TNIP3: variants seen among roughly 807,000 people sequenced by gnomAD.
TNIP3 encodes TNFAIP3 interacting protein 3, also known as TNFAIP3-interacting protein 3.
Under a neutral mutation model 54.1 loss-of-function variants are expected in TNIP3, and 34 were observed. The ratio of observed to expected loss-of-function variants is 0.63; its 90% CI spans 0.48 to 0.84. TNIP3 has a LOEUF of 0.84. TNIP3 is among the 40% of genes least tolerant of loss of function. The pLI is 0.00. For missense variants in TNIP3, 366 were observed against 387.6 expected, an observed-to-expected ratio of 0.94 and a Z score of 0.47; for synonymous variants, 134 against 136.8, an observed-to-expected ratio of 0.98 and a Z score of 0.14.
At chr4:121,173,722 G>A (rs182738490) in intron 3 of TNIP3, among the ~76,000 whole-genome samples, 106 of 152,214 alleles carry the variant, frequency 7.0e-4, no homozygotes, top group African/African-American at 1.1e-3. Flanking sequence ...TCTGCCTCCC[G>A]AGTTCAAGCA....
chr4:121,135,664 G>A (rs1172494528), intron 10 of TNIP3, among the ~76,000 whole-genome samples: 4 of 152,170 alleles, frequency 2.6e-5, no homozygotes, highest in African/African-American at 4.8e-5. Flanking sequence ...CTCACAAAGC[G>A]CTGGGATTAT....
intron 3 of TNIP3, among the ~76,000 whole-genome samples, chr4:121,170,519 T>C (rs1731008329): frequency 6.6e-6 from 1 of 152,202 alleles, no homozygotes; most frequent in African/African-American, 2.4e-5. Context: ...TAGGCAAATA[T>C]TTTACTTCAT....
chr4:121,216,324 T>A, intron 2 of TNIP3: 1 of 1,134,880 alleles, frequency 8.8e-7, no homozygotes, highest in Non-Finnish European at 1.3e-6. Flanking sequence ...TCTCTTCTAC[T>A]CTTAATACAC....
chr4:121,216,266 C>A (rs1381539629), intron 2 of TNIP3: 4 of 604,234 alleles, frequency 6.6e-6, no homozygotes, highest in Non-Finnish European at 8.1e-6. Flanking sequence ...CATACTGTTA[C>A]CCGTCATCTT....
chr4:121,205,830 A>G (rs1165094205), intron 2 of TNIP3, among the ~76,000 whole-genome samples: 1 of 152,150 alleles, frequency 6.6e-6, no homozygotes, highest in Non-Finnish European at 1.5e-5. Flanking sequence ...ATGAAGAAAT[A>G]CCTGAGACTG....
chr4:121,196,712 T>C (rs1442287250), intron 2 of TNIP3, among the ~76,000 whole-genome samples: 1 of 151,874 alleles, frequency 6.6e-6, no homozygotes, highest in Non-Finnish European at 1.5e-5. Context: ...AATAAATAAA[T>C]AGAAAAAGCA....
chr4:121,154,869 G>A (rs1729989153), intron 4 of TNIP3, among the ~76,000 whole-genome samples, 190 bp from the exon 5 acceptor site: 1 of 151,336 alleles, frequency 6.6e-6, no homozygotes, highest in African/African-American at 2.4e-5. Context: ...ATGCACACTA[G>A]AATTAGGATT....
intron 2 of TNIP3, among the ~76,000 whole-genome samples, chr4:121,203,770 G>T (rs115267091): frequency 0.026 from 3,886 of 151,458 alleles, 165 homozygotes; most frequent in African/African-American, 0.088. Context: ...AAACATTAGA[G>T]AACACAAAAA....
chr4:121,197,126 G>T (rs550928879), intron 2 of TNIP3, among the ~76,000 whole-genome samples: 2 of 152,130 alleles, frequency 1.3e-5, no homozygotes, highest in African/African-American at 4.8e-5. Flanking sequence ...CAATATAAAA[G>T]TTGTACTCAT....
chr4:121,185,770 C>G (rs1579459604), intron 2 of TNIP3, among the ~76,000 whole-genome samples: 1 of 152,238 alleles, frequency 6.6e-6, no homozygotes, highest in East Asian at 1.9e-4. Context: ...AGAATGGACA[C>G]TCAAGCTCAG....
At chr4:121,213,350 T>G (rs933439388) in intron 2 of TNIP3, among the ~76,000 whole-genome samples, 1 of 152,166 alleles carries the variant, frequency 6.6e-6, no homozygotes, top group African/African-American at 2.4e-5. Flanking sequence ...GAGCTCTACT[T>G]CAGATTAAAA....
chr4:121,216,290 C>A, intron 2 of TNIP3: 1 of 758,554 alleles, frequency 1.3e-6, no homozygotes, highest in Non-Finnish European at 2.0e-6. Flanking sequence ...CTTTTCTATT[C>A]TATATAGCTC....
At chr4:121,181,165 G>A (rs919033862) in intron 3 of TNIP3, among the ~76,000 whole-genome samples, 39 of 152,158 alleles carry the variant, frequency 2.6e-4, no homozygotes, top group African/African-American at 9.2e-4. Flanking sequence ...CCAAGAAGTC[G>A]AATGAACAGA....
intron 3 of TNIP3, among the ~76,000 whole-genome samples, chr4:121,180,227 C>T (rs1425965759): frequency 6.6e-6 from 1 of 151,970 alleles, no homozygotes; most frequent in Admixed American, 6.6e-5. Context: ...GGTGAAACCC[C>T]GTCTCTACTA....
At chr4:121,187,576 G>T (rs1363409282) in intron 2 of TNIP3, among the ~76,000 whole-genome samples, 1 of 152,152 alleles carries the variant, frequency 6.6e-6, no homozygotes, top group Non-Finnish European at 1.5e-5. Flanking sequence ...TATTTCCAAA[G>T]AATTTGTTTT....
At chr4:121,223,573 A>G (rs957053848) in intron 1 of TNIP3, among the ~76,000 whole-genome samples, 2 of 151,332 alleles carry the variant, frequency 1.3e-5, no homozygotes, top group Non-Finnish European at 2.9e-5. Flanking sequence ...AAATTCCACC[A>G]CATTTATTTA....
chr4:121,146,096 C>T (rs758737202), intron 7 of TNIP3, among the ~76,000 whole-genome samples: 5 of 151,772 alleles, frequency 3.3e-5, no homozygotes, highest in Non-Finnish European at 7.4e-5. Context: ...GCCTGAATTA[C>T]TTTCATAAAA....
chr4:121,150,225 TA>T lies in TNIP3; in HGVS notation c.493-7del. The T allele has an allele frequency of 1.9e-6, 3 of 1,556,620 alleles. No individual in the cohort carries two copies. Among genetic ancestry groups the T allele is most frequent in the Non-Finnish European group, 2.7e-6 (3 of 1,128,834 alleles). ...TTCAAGGCATCCTGAAGAGCCTACG[TA>T]ATAAGATAAGTACACTGTTGATCTA... On this transcript the variant is annotated splice_polypyrimidine_tract_variant and splice_region_variant and intron_variant, in intron 5 of 10. Coordinates refer to ENST00000057513, the MANE Select transcript of TNIP3 (RefSeq NM_024873.6).
At chr4:121,145,100 G>A (rs942958337) in intron 7 of TNIP3, among the ~76,000 whole-genome samples, 14 of 152,180 alleles carry the variant, frequency 9.2e-5, no homozygotes, top group Admixed American at 3.9e-4. Flanking sequence ...AACTCAGAAT[G>A]CCAGAATGAT....
Sources: gnomAD v4.1 joint callset for allele counts (sites outside exome capture counted in the v4.1 genomes callset) on GRCh38, gnomAD v4.1.1 for gene constraint, MANE v1.5 for transcripts, NCBI Gene and HGNC (gene_info 2026-07-23, HGNC 2026-07-21) for gene names.